The following KIFAP3 variants were observed in gnomAD, a reference collection of about 807,000 sequenced individuals.
KIFAP3 encodes the protein kinesin associated protein 3, also known as kinesin-associated protein 3.
Under a neutral mutation model 106.5 loss-of-function variants are expected in KIFAP3, and 68 were observed. That is an observed-to-expected ratio of 0.64 (90% CI 0.53 to 0.78). KIFAP3 has a LOEUF of 0.78. Among genes scored for constraint, KIFAP3 ranks in the 30% least tolerant of loss-of-function variants. The pLI, the probability that KIFAP3 is intolerant of heterozygous loss-of-function variation, is 0.00. For missense variants in KIFAP3, 780 were observed against 941.8 expected (o/e 0.83, Z 2.25); for synonymous variants, 320 against 311.5 (o/e 1.03, Z -0.29).
At chr1:170,056,909 G>A (rs1453397772) in intron 1 of KIFAP3, among the ~76,000 whole-genome samples, 3 of 151,884 alleles carry the variant, frequency 2.0e-5, no homozygotes, top group Admixed American at 2.0e-4. Flanking sequence ...GAGGAATTAG[G>A]AAATGAGATA....
chr1:169,933,361 G>A (rs1278595115), intron 19 of KIFAP3, among the ~76,000 whole-genome samples: 1 of 151,948 alleles, frequency 6.6e-6, no homozygotes, highest in Admixed American at 6.6e-5. Context: ...TAGAAGAACA[G>A]GAATTAAAGT....
chr1:169,984,145 G>A (rs1666667990), intron 12 of KIFAP3, among the ~76,000 whole-genome samples: 1 of 151,646 alleles, frequency 6.6e-6, no homozygotes, highest in African/African-American at 2.4e-5. Flanking sequence ...GCTCATTTGT[G>A]CTTTTTATAA....
intron 2 of KIFAP3, among the ~76,000 whole-genome samples, chr1:170,049,913 C>A (rs1670485950): frequency 6.6e-6 from 1 of 151,984 alleles, no homozygotes. Flanking sequence ...CTGAAAATCC[C>A]AAAACCCAGA....
Position 169,977,950 on chromosome 1 carries a change from T to A in KIFAP3, c.1897+135A>T. The stretch of plus-strand genomic sequence containing the variant: ...GTCAACAGCTTCCATGGAAAATAGG[T>A]TATCTTGTAAATTTATCTCAAAACT... On this transcript the variant is annotated intron_variant, in intron 16 of 19. Transcript: ENST00000361580. 3 of 658,336 alleles carry A rather than the reference T, an allele frequency of 4.6e-6. No individual in the cohort carries two copies. The South Asian group carries it at 5.3e-5, about 12-fold the overall frequency. The allele number at this position is 658,336 out of a possible 1,614,324, so 40.8% of individuals were successfully genotyped here.
chr1:170,041,853 C>T (rs746020077), intron 3 of KIFAP3: 3 of 1,413,004 alleles, frequency 2.1e-6, no homozygotes, highest in African/African-American at 2.8e-5. Context: ...GTAAAAAGGG[C>T]CCTGTTTAAG....
intron 2 of KIFAP3, 65 bp from the exon 3 acceptor site, chr1:170,046,931 TTAAAA>T (rs1264367192): frequency 2.3e-6 from 2 of 851,282 alleles, no homozygotes; most frequent in Non-Finnish European, 1.7e-6. Flanking sequence ...TACTACTACT[TTAAAA>T]TAATTTATAG....
chr1:170,023,453 A>G (rs1429317478), intron 9 of KIFAP3, among the ~76,000 whole-genome samples: 1 of 152,086 alleles, frequency 6.6e-6, no homozygotes, highest in Non-Finnish European at 1.5e-5. Context: ...ATAATGATAC[A>G]TAGTTCTAAA....
chr1:170,074,113 C>G (rs558319388), intron 1 of KIFAP3, among the ~76,000 whole-genome samples: 40 of 151,702 alleles, frequency 2.6e-4, no homozygotes, highest in African/African-American at 8.9e-4. Flanking sequence ...AATGGAGAGT[C>G]TGGGAAGAGG....
At chr1:169,940,880 T>A (rs1375389234) in intron 19 of KIFAP3, among the ~76,000 whole-genome samples, 3 of 151,916 alleles carry the variant, frequency 2.0e-5, no homozygotes, top group African/African-American at 4.8e-5. Context: ...CAAAACAAAT[T>A]CTTTTGAGCA....
chr1:170,078,842 G>A (rs142044070), upstream of KIFAP3, among the ~76,000 whole-genome samples: 457 of 152,178 alleles, frequency 3.0e-3, 16 homozygotes, highest in South Asian at 0.057. Flanking sequence ...ATTAGAAAAT[G>A]GTATTACAAA....
intron 9 of KIFAP3, among the ~76,000 whole-genome samples, chr1:170,016,898 C>A (rs1486419601): frequency 8.5e-5 from 13 of 152,158 alleles, no homozygotes; most frequent in South Asian, 2.1e-4. Flanking sequence ...TTATTGAACA[C>A]CACCTACTAA....
At position 169,921,783 on chromosome 1, in the gene KIFAP3, T is replaced by TA; in HGVS notation, c.2274-3dup. 1 of 1,600,914 alleles carries TA rather than the reference T, an allele frequency of 6.2e-7. No individual in the cohort carries two copies. ...TGGCCAAAGCCATCCATTCCAAGGCTAAAAAAGAAAAAAAAGAATGATAAG... is the reference window on the plus strand; with the variant it reads ...TGGCCAAAGCCATCCATTCCAAGGCTAAAAAAAGAAAAAAAAGAATGATAAG... On this transcript the variant is annotated splice_region_variant and splice_polypyrimidine_tract_variant and intron_variant, in intron 19 of 19. Transcript: ENST00000361580.
At chr1:169,966,412 A>C (rs890061122) in intron 17 of KIFAP3, among the ~76,000 whole-genome samples, 1 of 149,502 alleles carries the variant, frequency 6.7e-6, no homozygotes, top group Non-Finnish European at 1.5e-5. Flanking sequence ...GGTGGCCTTG[A>C]AATTAAATAT....
chr1:170,009,297 T>A (rs1415459674), intron 10 of KIFAP3, among the ~76,000 whole-genome samples: 1 of 152,076 alleles, frequency 6.6e-6, no homozygotes, highest in Non-Finnish European at 1.5e-5. Context: ...CATAAAAATT[T>A]GGAACATTAC....
At chr1:170,064,254 C>T (rs1018533328) in intron 1 of KIFAP3, among the ~76,000 whole-genome samples, 5 of 152,132 alleles carry the variant, frequency 3.3e-5, no homozygotes, top group African/African-American at 4.8e-5. Flanking sequence ...TATCTTACTA[C>T]CTGTTTAGGA....
intron 1 of KIFAP3, among the ~76,000 whole-genome samples, chr1:170,065,522 G>A (rs1216850645): frequency 6.7e-6 from 1 of 149,268 alleles, no homozygotes; most frequent in African/African-American, 2.5e-5. Flanking sequence ...GCTGAGGCAG[G>A]AGAATGGCGT....
chr1:169,969,664 C>A (rs1474033804), intron 17 of KIFAP3, among the ~76,000 whole-genome samples: 1 of 152,002 alleles, frequency 6.6e-6, no homozygotes, highest in Admixed American at 6.6e-5. Context: ...CATACACTGG[C>A]TAGAAAGATG....
intron 1 of KIFAP3, chr1:170,068,763 C>G (rs1671566829): frequency 6.6e-6 from 1 of 151,844 alleles, no homozygotes; most frequent in African/African-American, 2.4e-5. Flanking sequence ...CAATAAGACA[C>G]TCTATACTGA....
intron 1 of KIFAP3, among the ~76,000 whole-genome samples, chr1:170,060,636 T>G (rs567864269): frequency 6.6e-6 from 1 of 152,328 alleles, no homozygotes; most frequent in African/African-American, 2.4e-5. Flanking sequence ...TCAATGACTT[T>G]CTTCACAGAA....
Sources: gnomAD v4.1 joint callset for allele counts (sites outside exome capture counted in the v4.1 genomes callset) on GRCh38, gnomAD v4.1.1 for gene constraint, MANE v1.5 for transcripts, NCBI Gene and HGNC (gene_info 2026-07-23, HGNC 2026-07-21) for gene names.